Variants in ABCB1 observed in about 807,000 individuals in gnomAD.
ABCB1 encodes ATP-dependent translocase ABCB1.
A neutral mutation model predicts 142.0 loss-of-function variants in ABCB1; 69 were observed. The ratio of observed to expected loss-of-function variants is 0.49; its 90% CI spans 0.40 to 0.59. The LOEUF (loss-of-function observed/expected upper bound fraction) is 0.59. Among genes scored for constraint, ABCB1 ranks in the 20% least tolerant of loss-of-function variants. The pLI is 0.00. For synonymous variants in ABCB1, 532 were observed against 539.2 expected (o/e 0.99, Z 0.18); for missense variants, 1,326 against 1,554.7 (o/e 0.85, Z 2.47).
At chr7:87,641,060 T>C (rs891134405) in intron 1 of ABCB1, among the ~76,000 whole-genome samples, 1 of 152,222 alleles carries the variant, frequency 6.6e-6, no homozygotes, top group African/African-American at 2.4e-5. Flanking sequence ...TTCTTTGTCA[T>C]GTATGTTCTA....
intron 21 of ABCB1, among the ~76,000 whole-genome samples, chr7:87,524,666 C>T (rs1046990031): frequency 4.6e-5 from 7 of 151,542 alleles, no homozygotes; most frequent in Non-Finnish European, 7.4e-5. Context: ...AGCACACCAA[C>T]ATGGCACATG....
chr7:87,547,142 C>G (rs992924098), intron 14 of ABCB1, among the ~76,000 whole-genome samples: 6 of 152,150 alleles, frequency 3.9e-5, no homozygotes, highest in Non-Finnish European at 8.8e-5. Flanking sequence ...CTATATGTCT[C>G]TCTAATAACT....
At chr7:87,579,822 A>G (rs1293590971) in intron 4 of ABCB1, among the ~76,000 whole-genome samples, 1 of 151,842 alleles carries the variant, frequency 6.6e-6, no homozygotes, top group Non-Finnish European at 1.5e-5. Flanking sequence ...GCTGTATGTT[A>G]TTTTATTTGA....
rs553114507 is a variant in ABCB1, at chr7:87,510,655, G to T, written c.3283-1174C>A. Among the ~76,000 whole-genome samples, 9 of 152,308 alleles carry T rather than the reference G, an allele frequency of 5.9e-5. No homozygotes were observed. The South Asian group carries it at 1.9e-3, about 32-fold the overall frequency. ...TCTCTGTATCCCATGTGCCTGGCTG[G>T]GTGGCTCAAGGGGACAGCTGCCTAG... On this transcript the variant is annotated intron_variant, in intron 25 of 27. Transcript: ENST00000622132.
In ABCB1 at chr7:87,531,484, C is replaced by T; in HGVS notation, c.2495G>A (p.Arg832Lys). 1 of 1,613,006 alleles carries T rather than the reference C, an allele frequency of 6.2e-7. No homozygotes were observed. Among genetic ancestry groups the T allele is most frequent in the South Asian group, 1.1e-5 (1 of 91,076 alleles). The stretch of plus-strand genomic sequence containing the variant: ...TATATTCTGGGTAATTACAGCAAGC[C>T]TGGAACCTATAGCCTGCAAAACAAA... ...AAQVKGAIGS[R>K]LAVITQNIAN... is the part of the protein sequence containing the mutation. Residue 832 changes from arginine to lysine, a missense_variant, in exon 21 of 28, where the codon AGG becomes AAG. Coordinates refer to ENST00000622132, the MANE Select transcript of ABCB1 (RefSeq NM_001348946.2).
At chr7:87,561,530 GT>G in intron 7 of ABCB1, 143 bp from the exon 8 acceptor site, 2 of 802,446 alleles carry the variant, frequency 2.5e-6, no homozygotes, top group Non-Finnish European at 3.8e-6. Context: ...CCTTTGGTCT[GT>G]ATTAACAGCC....
chr7:87,687,450 TTAAG>T (rs1827580314), intron 1 of ABCB1, among the ~76,000 whole-genome samples: 1 of 152,206 alleles, frequency 6.6e-6, no homozygotes, highest in Non-Finnish European at 1.5e-5. Flanking sequence ...CTGAGTTACA[TTAAG>T]TCTTAACTTC....
At chr7:87,526,392 T>C (rs1289641823) in intron 21 of ABCB1, among the ~76,000 whole-genome samples, 3 of 152,044 alleles carry the variant, frequency 2.0e-5, no homozygotes, top group East Asian at 3.9e-4. Context: ...TAAAAATCCT[T>C]ATGAGTGGCG....
At chr7:87,668,365 G>A (rs1825480949) in intron 1 of ABCB1, among the ~76,000 whole-genome samples, 3 of 151,720 alleles carry the variant, frequency 2.0e-5, no homozygotes, top group African/African-American at 7.3e-5. Context: ...TGTTTATTTG[G>A]AGCTTTTCTT....
In ABCB1 at chr7:87,550,019, A is replaced by G. The variant is rs761999329; in HGVS notation, c.1386T>C (p.Asn462=). 1.9e-6 allele frequency: 3 copies of G among 1,614,078 alleles called. No individual in the cohort carries two copies. The highest frequency in any genetic ancestry group is 1.1e-5 in the South Asian group (1 of 91,086). Residue 462 remains asparagine, a synonymous_variant, in exon 13 of 28, where the codon AAT becomes AAC. Coordinates refer to ENST00000622132, the MANE Select transcript of ABCB1 (RefSeq NM_001348946.2). ...SVDGQDIRTI[N]VRFLREIIGV... Reference sequence around the variant, plus strand: ...CAATGATTTCCCGTAGAAACCTTACATTTATGGTCCTAATATCCTGTCCAT... The same window carrying G: ...CAATGATTTCCCGTAGAAACCTTACGTTTATGGTCCTAATATCCTGTCCAT...
In ABCB1 at chr7:87,515,037, G is replaced by A. The variant is rs768480129; in HGVS notation, c.3282+194C>T. ...TTGCAAAGGAGGGTAGAGGGGTAGTGTTGAGGGGAGCCTGGAGAAGTTGGC... is the reference window on the plus strand; with the variant it reads ...TTGCAAAGGAGGGTAGAGGGGTAGTATTGAGGGGAGCCTGGAGAAGTTGGC... On this transcript the variant is annotated intron_variant, in intron 25 of 27. Transcript: ENST00000622132. 2.0e-5 allele frequency among the ~76,000 whole-genome samples: 3 copies of A among 152,232 alleles called. No homozygotes were observed. In the South Asian group the frequency reaches 6.2e-4, roughly 31 times the overall value.
intron 3 of ABCB1, among the ~76,000 whole-genome samples, chr7:87,592,422 A>T (rs1661175012): frequency 6.6e-6 from 1 of 152,344 alleles, no homozygotes; most frequent in South Asian, 2.1e-4. Context: ...GATTATCCAT[A>T]TAACCATAAA....
chr7:87,681,672 A>G (rs576889758), intron 1 of ABCB1, among the ~76,000 whole-genome samples: 1 of 147,324 alleles, frequency 6.8e-6, no homozygotes. Flanking sequence ...CTGCTGACTG[A>G]TTGATGTGCT....
chr7:87,661,010 G>A (rs1417364921), intron 1 of ABCB1, among the ~76,000 whole-genome samples: 2 of 151,874 alleles, frequency 1.3e-5, no homozygotes, highest in Non-Finnish European at 2.9e-5. Context: ...AGAAGAAGAT[G>A]TATTCTTAAT....
chr7:87,612,803 T>A (rs894854329), intron 1 of ABCB1, among the ~76,000 whole-genome samples: 2 of 152,116 alleles, frequency 1.3e-5, no homozygotes, highest in Non-Finnish European at 2.9e-5. Context: ...TGAAAAGTGA[T>A]GTTGGTATTT....
At chr7:87,667,808 G>A (rs1266298275) in intron 1 of ABCB1, among the ~76,000 whole-genome samples, 1 of 152,166 alleles carries the variant, frequency 6.6e-6, no homozygotes, top group East Asian at 1.9e-4. Flanking sequence ...AATATGTTGA[G>A]CCAAACTTGC....
At chr7:87,571,857 C>G (rs1641952615) in intron 4 of ABCB1, among the ~76,000 whole-genome samples, 1 of 152,056 alleles carries the variant, frequency 6.6e-6, no homozygotes, top group South Asian at 2.1e-4. Flanking sequence ...CTCTCCTTAC[C>G]CATAAGGACA....
At chr7:87,525,420 G>C (rs552724093) in intron 21 of ABCB1, among the ~76,000 whole-genome samples, 3 of 152,038 alleles carry the variant, frequency 2.0e-5, no homozygotes, top group Non-Finnish European at 4.4e-5. Flanking sequence ...CTGACCCCTC[G>C]TGCAGTTGAA....
chr7:87,567,068 T>C (rs1817814730), intron 5 of ABCB1, 92 bp from the exon 6 acceptor site: 1 of 1,189,388 alleles, frequency 8.4e-7, no homozygotes, highest in South Asian at 1.3e-5. Flanking sequence ...TTTTCACTTA[T>C]CTGGGTATCT....
Sources: allele counts gnomAD v4.1 joint callset (sites outside exome capture counted in the v4.1 genomes callset), GRCh38; gene constraint gnomAD v4.1.1; transcripts MANE v1.5; gene names NCBI Gene and HGNC (gene_info 2026-07-23, HGNC 2026-07-21).